Variants in GALNT18 observed in about 807,000 individuals in gnomAD.
The protein encoded by GALNT18 is polypeptide N-acetylgalactosaminyltransferase 18, also known as GalNAc-transferase 18.
Under a neutral mutation model 69.5 loss-of-function variants are expected in GALNT18, and 44 were observed. The observed-to-expected ratio is 0.63, with a 90% CI of 0.50 to 0.81. GALNT18 has a LOEUF of 0.81. Ranked by LOEUF, GALNT18 falls within the 40% of genes least tolerant of loss-of-function variation. The pLI, the probability that GALNT18 is intolerant of heterozygous loss-of-function variation, is 0.00. For synonymous variants in GALNT18, 364 were observed against 318.2 expected (o/e 1.14, Z -1.53); for missense variants, 715 against 810.0 (o/e 0.88, Z 1.42).
intron 5 of GALNT18, among the ~76,000 whole-genome samples, chr11:11,373,567 G>A (rs1269201953): frequency 2.6e-5 from 4 of 152,226 alleles, no homozygotes; most frequent in African/African-American, 7.2e-5. Context: ...ATAGCCAACA[G>A]GCAGAGCTTA....
rs1272490238 is a variant in GALNT18, at chr11:11,497,636, G to A, written c.236-48700C>T. 6.6e-6 allele frequency among the ~76,000 whole-genome samples: 1 copy of A among 152,082 alleles called. No individual in the cohort carries two copies. The highest frequency in any genetic ancestry group is 1.5e-5 in the Non-Finnish European group (1 of 68,046). On this transcript the variant is annotated intron_variant, in intron 1 of 10. Coordinates refer to ENST00000227756, the MANE Select transcript of GALNT18 (RefSeq NM_198516.3). The surrounding 1 kb of genome is among the most constrained non-coding windows in gnomAD (Gnocchi z 4.2). ...AAGCACCAAACACACAGTATTTCCA[G>A]TAACAACTCTCTTATCTAACATGGT...
Position 11,616,902 on chromosome 11 carries a change from A to G in GALNT18, c.235+4457T>C, listed in dbSNP as rs1590143432. Among the ~76,000 whole-genome samples, 2 of 152,380 alleles carry G rather than the reference A, an allele frequency of 1.3e-5. No individual in the cohort carries two copies. The highest frequency in any genetic ancestry group is 2.1e-4 in the South Asian group (1 of 4,826). On this transcript the variant is annotated intron_variant, in intron 1 of 10. Transcript: ENST00000227756. This position sits in a 1 kb window ranked among gnomAD's most constrained non-coding sequence, Gnocchi z 4.4. ...TACTTTAAGTTCTAAGTGCTTTGCA[A>G]AGGTTTTATAAACGGTAGTCAGTTA...
intron 10 of GALNT18, among the ~76,000 whole-genome samples, chr11:11,275,145 A>G (rs949671394): frequency 2.0e-5 from 3 of 152,214 alleles, no homozygotes; most frequent in South Asian, 2.1e-4. Context: ...GGTTGAACTA[A>G]TTTACACTCC....
At chr11:11,532,231 G>T (rs755585753) in intron 1 of GALNT18, among the ~76,000 whole-genome samples, 1 of 152,114 alleles carries the variant, frequency 6.6e-6, no homozygotes, top group African/African-American at 2.4e-5. Context: ...GAGGAGAGAG[G>T]AACAACAGGA....
chr11:11,514,278 C>A (rs1208512249), intron 1 of GALNT18, among the ~76,000 whole-genome samples: 2 of 152,218 alleles, frequency 1.3e-5, no homozygotes, highest in African/African-American at 4.8e-5. Flanking sequence ...CAATTGCCTG[C>A]CCCAGGCTGG....
chr11:11,310,650 T>C (rs1197498765), intron 9 of GALNT18, among the ~76,000 whole-genome samples: 1 of 152,198 alleles, frequency 6.6e-6, no homozygotes, highest in Non-Finnish European at 1.5e-5. Context: ...CTAAAGCTGT[T>C]CTGGTGATTG....
At chr11:11,529,627 A>T (rs768376539) in intron 1 of GALNT18, among the ~76,000 whole-genome samples, 2 of 62,426 alleles carry the variant, frequency 3.2e-5, no homozygotes, top group Non-Finnish European at 6.8e-5. Flanking sequence ...TAATCTCCTT[A>T]TATATATATA....
At chr11:11,406,746 A>G (rs1355926540) in intron 3 of GALNT18, among the ~76,000 whole-genome samples, 2 of 152,246 alleles carry the variant, frequency 1.3e-5, no homozygotes, top group African/African-American at 4.8e-5. Flanking sequence ...ATCAGAATAC[A>G]TGGGAGATGC....
chr11:11,594,611 T>G (rs1237477945), intron 1 of GALNT18, among the ~76,000 whole-genome samples: 2 of 152,138 alleles, frequency 1.3e-5, no homozygotes. Flanking sequence ...TTTTCAAGAT[T>G]TATCCATGTT....
chr11:11,344,547 GTGGGGCATC>G (rs1261520847), intron 6 of GALNT18, among the ~76,000 whole-genome samples: 1 of 152,232 alleles, frequency 6.6e-6, no homozygotes, highest in East Asian at 1.9e-4. Flanking sequence ...TCCAGGGGAG[GTGGGGCATC>G]TGGGCCAGGT....
chr11:11,317,540 T>C (rs1163898022), intron 9 of GALNT18, among the ~76,000 whole-genome samples: 1 of 152,234 alleles, frequency 6.6e-6, no homozygotes, highest in Non-Finnish European at 1.5e-5. Context: ...TGTCTTCCTT[T>C]GAGGAGTGTC....
chr11:11,509,041 C>G (rs1055142260), intron 1 of GALNT18, among the ~76,000 whole-genome samples: 3 of 152,126 alleles, frequency 2.0e-5, no homozygotes, highest in African/African-American at 7.2e-5. Context: ...CCCTACCTCT[C>G]GGACCAAACT....
intron 3 of GALNT18, among the ~76,000 whole-genome samples, chr11:11,419,619 A>AAAAAAAAAAG (rs1554932034): frequency 1.6e-5 from 2 of 128,356 alleles, no homozygotes; most frequent in African/African-American, 5.6e-5. Flanking sequence ...AAAAAAAAAA[A>AAAAAAAAAAG]AAAGAAAGAA....
At position 11,339,796 on chromosome 11, in the gene GALNT18, G is replaced by T. The variant is rs978513445; in HGVS notation, c.1278+1023C>A. On this transcript the variant is annotated intron_variant, in intron 7 of 10. Transcript: ENST00000227756. The surrounding 1 kb of genome is among the most constrained non-coding windows in gnomAD (Gnocchi z 5.2). ...TCCTACGGTGGTGGTGTGGCTGGGA[G>T]GTGGGCTAAAAGCTCCCACCCATGA... Among the ~76,000 whole-genome samples, 1 of 152,100 alleles carries T rather than the reference G, an allele frequency of 6.6e-6. No homozygotes were observed. The highest frequency in any genetic ancestry group is 2.4e-5 in the African/African-American group (1 of 41,412).
rs1254998843 is a variant in GALNT18, at chr11:11,389,944, T to C, written c.596-10680A>G. Among the ~76,000 whole-genome samples the C allele has an allele frequency of 5.9e-5, 9 of 152,214 alleles. No individual in the cohort carries two copies. In the East Asian group the frequency reaches 1.5e-3, roughly 26 times the overall value. On this transcript the variant is annotated intron_variant, in intron 3 of 10. Transcript: ENST00000227756. This position sits in a 1 kb window ranked among gnomAD's most constrained non-coding sequence, Gnocchi z 4.3. The stretch of plus-strand genomic sequence containing the variant: ...TTTTTGCAAGGCTTAGAGTTTAGAG[T>C]GCTGCCGAACTCAAAAATTTGATGA...
chr11:11,389,160 C>T lies in GALNT18; in HGVS notation c.596-9896G>A, dbSNP rs567499511. On this transcript the variant is annotated intron_variant, in intron 3 of 10. Coordinates refer to ENST00000227756, the MANE Select transcript of GALNT18 (RefSeq NM_198516.3). This position sits in a 1 kb window ranked among gnomAD's most constrained non-coding sequence, Gnocchi z 4.3. ...ATCAAGGATGAGAGACTTTAAAGAACATATTCCAAGTAACACAGAAGGTAA... is the reference window on the plus strand; with the variant it reads ...ATCAAGGATGAGAGACTTTAAAGAATATATTCCAAGTAACACAGAAGGTAA... Among the ~76,000 whole-genome samples the T allele has an allele frequency of 3.3e-5, 5 of 152,294 alleles. No individual in the cohort carries two copies. The highest frequency in any genetic ancestry group is 5.9e-5 in the Non-Finnish European group (4 of 68,014).
At chr11:11,615,832 A>G (rs1301554666) in intron 1 of GALNT18, among the ~76,000 whole-genome samples, 5 of 152,188 alleles carry the variant, frequency 3.3e-5, no homozygotes, top group South Asian at 4.1e-4. Flanking sequence ...CAAACCTTCT[A>G]CAAGTTTAGG....
intron 1 of GALNT18, among the ~76,000 whole-genome samples, chr11:11,574,053 T>C (rs531175270): frequency 6.6e-6 from 1 of 152,274 alleles, no homozygotes; most frequent in African/African-American, 2.4e-5. Flanking sequence ...CTGTAGCATC[T>C]TTCAACAATC....
intron 1 of GALNT18, among the ~76,000 whole-genome samples, chr11:11,530,313 G>T (rs1382449180): frequency 6.6e-6 from 1 of 152,170 alleles, no homozygotes; most frequent in Non-Finnish European, 1.5e-5. Context: ...ACAGCAAACA[G>T]GAAGGCAGTC....
Sources: gnomAD v4.1 joint callset for allele counts (sites outside exome capture counted in the v4.1 genomes callset) on GRCh38, gnomAD v4.1.1 for gene constraint, Gnocchi (gnomAD v3.1) non-coding constraint, MANE v1.5 for transcripts, NCBI Gene and HGNC (gene_info 2026-07-23, HGNC 2026-07-21) for gene names.